Variants in NRCAM observed in about 807,000 individuals in gnomAD.
NRCAM encodes NgCAM-related cell adhesion molecule.
NRCAM carries 83 observed loss-of-function variants against 156.5 expected under a neutral mutation model. The ratio of observed to expected loss-of-function variants is 0.53; its 90% CI spans 0.44 to 0.64. The LOEUF (loss-of-function observed/expected upper bound fraction) is 0.64, where lower values mean the gene tolerates loss of function less well. NRCAM is among the 30% of genes least tolerant of loss of function. NRCAM has a pLI of 0.00. For synonymous variants in NRCAM, 538 were observed against 563.9 expected (o/e 0.95, Z 0.65); for missense variants, 1,417 against 1,597.3 (o/e 0.89, Z 1.92).
chr7:108,225,870 A>G (rs936051513), intron 9 of NRCAM, among the ~76,000 whole-genome samples, 169 bp from the exon 10 acceptor site: 7 of 152,050 alleles, frequency 4.6e-5, no homozygotes, highest in African/African-American at 1.7e-4. Context: ...TTACTCAGCC[A>G]CCCCCACCAG....
intron 13 of NRCAM, among the ~76,000 whole-genome samples, chr7:108,199,820 G>A (rs192179914): frequency 1.1e-4 from 17 of 152,218 alleles, no homozygotes; most frequent in Non-Finnish European, 2.4e-4. Flanking sequence ...TAGTTTCTAG[G>A]GATTGGGATG....
At chr7:108,317,160 A>G (rs1040697488) in intron 2 of NRCAM, among the ~76,000 whole-genome samples, 1 of 152,188 alleles carries the variant, frequency 6.6e-6, no homozygotes, top group Non-Finnish European at 1.5e-5. Flanking sequence ...CTAACAGTGA[A>G]CTGTTACATG....
Position 108,295,560 on chromosome 7 carries a change from G to A in NRCAM, c.-107+17105C>T, listed in dbSNP as rs144631221. ...CTAAAGGCACTAATCCCATCCAATA[G>A]GGCTTAACCTCATGACTTAATCAAC... On this transcript the variant is annotated intron_variant, in intron 3 of 32. Coordinates refer to ENST00000379028, the MANE Select transcript of NRCAM (RefSeq NM_001037132.4). Among the ~76,000 whole-genome samples, 22 of 152,226 alleles carry A rather than the reference G, an allele frequency of 1.4e-4. 1 individual carries two copies. The East Asian group carries it at 3.7e-3, about 25-fold the overall frequency.
At chr7:108,454,548 T>G (rs144252703) in intron 1 of NRCAM, among the ~76,000 whole-genome samples, 137 of 152,352 alleles carry the variant, frequency 9.0e-4, no homozygotes, top group African/African-American at 3.0e-3. Flanking sequence ...CGGTTGGCTA[T>G]CGTTACCATT....
intron 1 of NRCAM, among the ~76,000 whole-genome samples, chr7:108,437,022 C>CCAT: frequency 6.6e-6 from 1 of 152,278 alleles, no homozygotes; most frequent in South Asian, 2.1e-4. Context: ...ACCTAAGTGT[C>CCAT]CATCAACAGA....
chr7:108,303,695 C>A (rs953489071), intron 3 of NRCAM, among the ~76,000 whole-genome samples: 1 of 152,070 alleles, frequency 6.6e-6, no homozygotes, highest in South Asian at 2.1e-4. Context: ...TACATGGCTT[C>A]ATGTAGGATC....
At chr7:108,151,630 A>G (rs1258076124) in intron 32 of NRCAM, among the ~76,000 whole-genome samples, 1 of 152,180 alleles carries the variant, frequency 6.6e-6, no homozygotes, top group Non-Finnish European at 1.5e-5. Context: ...TGAATAAACT[A>G]TATTTTCACC....
At chr7:108,353,533 C>T (rs1427421203) in intron 2 of NRCAM, among the ~76,000 whole-genome samples, 1 of 151,972 alleles carries the variant, frequency 6.6e-6, no homozygotes, top group African/African-American at 2.4e-5. Flanking sequence ...GTTGCCTAGG[C>T]TGGTCTTGAA....
intron 2 of NRCAM, among the ~76,000 whole-genome samples, chr7:108,358,094 A>T (rs1368473513): frequency 6.6e-6 from 1 of 152,116 alleles, no homozygotes; most frequent in African/African-American, 2.4e-5. Flanking sequence ...GTCTTTAGCT[A>T]CACTTGCTTT....
In NRCAM at chr7:108,299,108, A is replaced by AG. The variant is rs1371407131; in HGVS notation, c.-107+13556_-107+13557insC. On this transcript the variant is annotated intron_variant, in intron 3 of 32. Coordinates refer to ENST00000379028, the MANE Select transcript of NRCAM (RefSeq NM_001037132.4). The stretch of plus-strand genomic sequence containing the variant: ...GCCACAGAGCAAGACTCCATCTCAA[A>AG]AAAAAAAAAGAAAGAAAGAAAGAAA... 6.7e-4 allele frequency among the ~76,000 whole-genome samples: 55 copies of AG among 82,184 alleles called. 1 individual carries two copies. Among genetic ancestry groups the AG allele is most frequent in the African/African-American group, 2.6e-3 (53 of 20,610 alleles). The allele number at this position is 82,184 out of a possible 152,430, so 53.9% of individuals were successfully genotyped here.
At position 108,185,390 on chromosome 7, in the gene NRCAM, T is replaced by C. The variant is rs1413927215; in HGVS notation, c.2036-776A>G. On this transcript the variant is annotated intron_variant, in intron 20 of 32. Coordinates refer to ENST00000379028, the MANE Select transcript of NRCAM (RefSeq NM_001037132.4). Reference sequence around the variant, plus strand: ...ACCTAAACATCCATCAACAGGACACTGACTAAACAAATTACACTAGGTCCA... The same window carrying C: ...ACCTAAACATCCATCAACAGGACACCGACTAAACAAATTACACTAGGTCCA... Among the ~76,000 whole-genome samples, 6 of 152,234 alleles carry C rather than the reference T, an allele frequency of 3.9e-5. No individual in the cohort carries two copies. The East Asian group carries it at 1.2e-3, about 29-fold the overall frequency.
At chr7:108,452,667 A>G (rs771775282) in intron 1 of NRCAM, among the ~76,000 whole-genome samples, 5 of 152,212 alleles carry the variant, frequency 3.3e-5, no homozygotes, top group Non-Finnish European at 7.3e-5. Context: ...CTCTTCATCA[A>G]TCATTGCAAC....
At chr7:108,199,853 T>C (rs932713891) in intron 13 of NRCAM, among the ~76,000 whole-genome samples, 1 of 151,882 alleles carries the variant, frequency 6.6e-6, no homozygotes, top group East Asian at 1.9e-4. Flanking sequence ...CGGGGTGGGG[T>C]AGAAGGAGGG....
intron 2 of NRCAM, among the ~76,000 whole-genome samples, chr7:108,337,827 C>A (rs1159122753): frequency 6.6e-6 from 1 of 152,160 alleles, no homozygotes; most frequent in Admixed American, 6.5e-5. Flanking sequence ...AGGACCTCCC[C>A]GCAACCCAGT....
intron 3 of NRCAM, among the ~76,000 whole-genome samples, chr7:108,275,057 T>C (rs1461104668): frequency 6.6e-6 from 1 of 152,238 alleles, no homozygotes; most frequent in African/African-American, 2.4e-5. Context: ...TTTGCGTATG[T>C]TGAACCAGCC....
At chr7:108,385,242 G>A (rs1198740611) in intron 2 of NRCAM, among the ~76,000 whole-genome samples, 1 of 152,104 alleles carries the variant, frequency 6.6e-6, no homozygotes, top group African/African-American at 2.4e-5. Flanking sequence ...TCCTTAGAGG[G>A]GTAGAGATCA....
intron 13 of NRCAM, among the ~76,000 whole-genome samples, chr7:108,202,593 C>T (rs1435987006): frequency 1.3e-5 from 2 of 152,178 alleles, no homozygotes; most frequent in Admixed American, 6.5e-5. Context: ...TTTCCCTCTT[C>T]ATTTACTTAT....
intron 3 of NRCAM, among the ~76,000 whole-genome samples, chr7:108,259,403 A>G (rs1326758842): frequency 1.3e-5 from 2 of 152,232 alleles, no homozygotes; most frequent in African/African-American, 4.8e-5. Context: ...TGGGAATGTA[A>G]ATTAGTTCAA....
chr7:108,154,758 T>C (rs1288670413), intron 32 of NRCAM, among the ~76,000 whole-genome samples: 1 of 152,144 alleles, frequency 6.6e-6, no homozygotes, highest in Non-Finnish European at 1.5e-5. Context: ...CACACAGTGC[T>C]GGGTTTGTGT....
Sources: gnomAD v4.1 joint callset for allele counts (sites outside exome capture counted in the v4.1 genomes callset) on GRCh38, gnomAD v4.1.1 for gene constraint, MANE v1.5 for transcripts, NCBI Gene and HGNC (gene_info 2026-07-23, HGNC 2026-07-21) for gene names.